SCHIP1: variants seen among roughly 807,000 people sequenced by gnomAD.
SCHIP1 encodes schwannomin interacting protein 1.
Under a neutral mutation model 29.7 loss-of-function variants are expected in SCHIP1, and 8 were observed. That is an observed-to-expected ratio of 0.27 (90% CI 0.16 to 0.49). SCHIP1 has a LOEUF of 0.49. Among genes scored for constraint, SCHIP1 ranks in the 20% least tolerant of loss-of-function variants. SCHIP1 has a pLI of 0.99. For missense variants in SCHIP1, 193 were observed against 294.6 expected (o/e 0.66, Z 2.52); for synonymous variants, 76 against 94.9 (o/e 0.80, Z 1.16).
chr3:159,641,948 A>G, the SCHIP1 span, among the ~76,000 whole-genome samples: 5 of 152,166 alleles, frequency 3.3e-5, no homozygotes, highest in Non-Finnish European at 5.9e-5. Flanking sequence ...AGATCTTCAA[A>G]CAGAGTTCAT....
the SCHIP1 span, among the ~76,000 whole-genome samples, chr3:159,654,072 ATTTT>A: frequency 6.6e-6 from 1 of 152,028 alleles, no homozygotes; most frequent in Non-Finnish European, 1.5e-5. Context: ...TTAAATACAG[ATTTT>A]TTTCTTTTAA....
At chr3:159,704,960 TA>T in the SCHIP1 span, among the ~76,000 whole-genome samples, 1 of 146,766 alleles carries the variant, frequency 6.8e-6, no homozygotes, top group East Asian at 2.0e-4. Flanking sequence ...TTTCTTTTTT[TA>T]CTTTTTTCTT....
the SCHIP1 span, among the ~76,000 whole-genome samples, chr3:159,283,590 C>A: frequency 6.6e-6 from 1 of 152,096 alleles, no homozygotes; most frequent in Admixed American, 6.6e-5. Context: ...TGGCGTGAGC[C>A]ACCGCGCCTG....
At chr3:159,688,780 C>A in the SCHIP1 span, among the ~76,000 whole-genome samples, 360 of 152,084 alleles carry the variant, frequency 2.4e-3, no homozygotes, top group Non-Finnish European at 4.0e-3. Flanking sequence ...TTGTATAAAG[C>A]GTAAGGAAAG....
chr3:159,802,874 G>A, the SCHIP1 span, among the ~76,000 whole-genome samples: 1 of 152,206 alleles, frequency 6.6e-6, no homozygotes, highest in African/African-American at 2.4e-5. Context: ...CAAGATGACT[G>A]AAGGTTTTTT....
intron 1 of SCHIP1, among the ~76,000 whole-genome samples, chr3:159,859,915 G>A (rs1237998928): frequency 1.3e-5 from 2 of 152,142 alleles, no homozygotes; most frequent in Non-Finnish European, 2.9e-5. Context: ...AGCCCTCCAG[G>A]TAATCCTCTT....
At chr3:159,864,934 C>T (rs569401463) in intron 1 of SCHIP1, among the ~76,000 whole-genome samples, 46 of 152,222 alleles carry the variant, frequency 3.0e-4, no homozygotes, top group African/African-American at 1.1e-3. Context: ...TGCAAATAAC[C>T]ACATGACACT....
chr3:159,685,521 A>G, the SCHIP1 span, among the ~76,000 whole-genome samples: 45 of 152,364 alleles, frequency 3.0e-4, no homozygotes, highest in Admixed American at 2.5e-3. Flanking sequence ...TGTAATCAAA[A>G]GGATGTAATT....
At chr3:159,766,832 A>G in the SCHIP1 span, among the ~76,000 whole-genome samples, 2 of 152,160 alleles carry the variant, frequency 1.3e-5, no homozygotes, top group Non-Finnish European at 2.9e-5. Context: ...CAGGAACTTA[A>G]AATTTGATGG....
At chr3:159,545,877 A>G in the SCHIP1 span, among the ~76,000 whole-genome samples, 2 of 151,590 alleles carry the variant, frequency 1.3e-5, no homozygotes, top group African/African-American at 4.8e-5. Context: ...TATCTTGACA[A>G]TATTAAAATT....
At chr3:159,513,771 T>C in the SCHIP1 span, among the ~76,000 whole-genome samples, 4 of 152,162 alleles carry the variant, frequency 2.6e-5, no homozygotes, top group East Asian at 1.9e-4. Context: ...TGGGATGAGA[T>C]TGCATGCCGC....
the SCHIP1 span, among the ~76,000 whole-genome samples, chr3:159,300,885 T>C: frequency 6.6e-6 from 1 of 152,216 alleles, no homozygotes; most frequent in African/African-American, 2.4e-5. Context: ...CTTAAAGTTT[T>C]TGCAGATTTT....
At chr3:159,875,079 T>G (rs1715668335) in intron 2 of SCHIP1, among the ~76,000 whole-genome samples, 1 of 150,822 alleles carries the variant, frequency 6.6e-6, no homozygotes, top group African/African-American at 2.4e-5. Flanking sequence ...TTGCTTCCAG[T>G]ATTCAAAAAT....
At chr3:159,417,336 C>T in the SCHIP1 span, among the ~76,000 whole-genome samples, 1 of 152,148 alleles carries the variant, frequency 6.6e-6, no homozygotes, top group African/African-American at 2.4e-5. Flanking sequence ...TGTAAAGAGT[C>T]ACGCAATCAC....
At chr3:159,745,755 T>C in the SCHIP1 span, among the ~76,000 whole-genome samples, 1 of 152,254 alleles carries the variant, frequency 6.6e-6, no homozygotes, top group African/African-American at 2.4e-5. Flanking sequence ...AGTAGATTAC[T>C]ATTATTTAGA....
upstream of SCHIP1, among the ~76,000 whole-genome samples, chr3:159,836,456 A>G (rs1434904596): frequency 2.6e-5 from 4 of 152,182 alleles, no homozygotes; most frequent in Non-Finnish European, 2.9e-5. Context: ...TTAGATTTCC[A>G]CATATGAAGT....
chr3:159,609,334 T>C, the SCHIP1 span, among the ~76,000 whole-genome samples: 1 of 152,154 alleles, frequency 6.6e-6, no homozygotes, highest in Non-Finnish European at 1.5e-5. Context: ...CCAGTGTTCA[T>C]AGGCCATGAG....
chr3:159,779,725 G>A, the SCHIP1 span, among the ~76,000 whole-genome samples: 1 of 151,918 alleles, frequency 6.6e-6, no homozygotes, highest in African/African-American at 2.4e-5. Flanking sequence ...AGAGCATCTG[G>A]TTTTGCCAAC....
the SCHIP1 span, among the ~76,000 whole-genome samples, chr3:159,704,438 A>AT: frequency 6.6e-6 from 1 of 150,958 alleles, no homozygotes; most frequent in African/African-American, 2.4e-5. Context: ...AAAAAAAAAA[A>AT]AAAAAATTGC....
Sources: allele counts gnomAD v4.1 joint callset (sites outside exome capture counted in the v4.1 genomes callset), GRCh38; gene constraint gnomAD v4.1.1; transcripts MANE v1.5; gene names NCBI Gene and HGNC (gene_info 2026-07-23, HGNC 2026-07-21).